NLGN4X: variants seen among roughly 807,000 people sequenced by gnomAD.
NLGN4X encodes the protein neuroligin-4, X-linked.
A neutral mutation model predicts 40.3 loss-of-function variants in NLGN4X; 3 were observed. The observed-to-expected ratio is 0.07, with a 90% CI of 0.03 to 0.19. The LOEUF (loss-of-function observed/expected upper bound fraction) is 0.19, where lower values mean the gene tolerates loss of function less well. Among genes scored for constraint, NLGN4X ranks in the 10% least tolerant of loss-of-function variants. The pLI is 1.00. For missense variants in NLGN4X, 382 were observed against 708.3 expected (o/e 0.54, Z 5.23); for synonymous variants, 270 against 306.8 (o/e 0.88, Z 1.25).
intron 5 of NLGN4X, among the ~76,000 whole-genome samples, chrX:5,897,806 A>G (rs1258887101): frequency 9.0e-6 from 1 of 111,533 alleles, no homozygotes; most frequent in Non-Finnish European, 1.9e-5. Flanking sequence ...AAGATGGGAG[A>G]GCCCTCTCAC....
intron 1 of NLGN4X, among the ~76,000 whole-genome samples, chrX:6,160,121 T>C (rs1408608936): frequency 1.8e-5 from 2 of 111,402 alleles, no homozygotes; most frequent in African/African-American, 6.5e-5. Context: ...ATTAATTTAC[T>C]GTATATTTTT....
intron 3 of NLGN4X, among the ~76,000 whole-genome samples, chrX:6,024,005 A>T (rs868587261): frequency 4.5e-5 from 5 of 111,876 alleles, no homozygotes; most frequent in Middle Eastern, 4.6e-3. Context: ...ACAACAAAAA[A>T]AAAACAGATT....
chrX:5,942,193 C>T (rs1449220003), intron 3 of NLGN4X, among the ~76,000 whole-genome samples: 1 of 110,437 alleles, frequency 9.1e-6, no homozygotes, highest in Admixed American at 9.6e-5. Flanking sequence ...GAGGTAGAGG[C>T]TGCAGTGGGC....
At chrX:6,075,465 T>C (rs2038171680) in intron 2 of NLGN4X, among the ~76,000 whole-genome samples, 2 of 111,809 alleles carry the variant, frequency 1.8e-5, no homozygotes, top group African/African-American at 3.3e-5. Context: ...GATTAGTCAC[T>C]GAAGAAGAAA....
intron 3 of NLGN4X, among the ~76,000 whole-genome samples, chrX:6,021,170 G>A (rs2036544974): frequency 9.6e-6 from 1 of 103,953 alleles, no homozygotes; most frequent in Admixed American, 1.1e-4. Context: ...TGGAACTCCT[G>A]GCCTCAAGGA....
Position 6,038,163 on chromosome X carries a change from A to G in NLGN4X, c.473-8731T>C, listed in dbSNP as rs184961410. On this transcript the variant is annotated intron_variant, in intron 2 of 5. Coordinates refer to ENST00000381095, the MANE Select transcript of NLGN4X (RefSeq NM_181332.3). ...AGGATCCTCTGCTGTTCCTGGTAGG[A>G]GAGTCTGGGGATAGAGGGGTGGCTG... Among the ~76,000 whole-genome samples, 573 of 111,782 alleles carry G rather than the reference A, an allele frequency of 5.1e-3. 5 individuals carry two copies. The highest frequency in any genetic ancestry group is 0.018 in the African/African-American group (553 of 30,799).
intron 3 of NLGN4X, among the ~76,000 whole-genome samples, chrX:5,927,389 G>C (rs1460540981): frequency 8.9e-6 from 1 of 112,031 alleles, no homozygotes; most frequent in Non-Finnish European, 1.9e-5. Flanking sequence ...CAAATTGTAT[G>C]TGGAGATGTA....
chrX:5,973,332 A>G (rs1182657807), intron 3 of NLGN4X, among the ~76,000 whole-genome samples: 1 of 112,453 alleles, frequency 8.9e-6, no homozygotes, highest in Non-Finnish European at 1.9e-5. Flanking sequence ...GACAGAAACC[A>G]TGTGGCTCAC....
At position 6,037,337 on chromosome X, in the gene NLGN4X, A is replaced by T. The variant is rs191910537; in HGVS notation, c.473-7905T>A. On this transcript the variant is annotated intron_variant, in intron 2 of 5. Coordinates refer to ENST00000381095, the MANE Select transcript of NLGN4X (RefSeq NM_181332.3). ...AAATAAAAATAAAAATAAAAAAATT[A>T]AAAAAAATTGGAAAACGAAGACTAT... Among the ~76,000 whole-genome samples the T allele has an allele frequency of 4.0e-3, 442 of 110,479 alleles. 3 individuals carry two copies. Among genetic ancestry groups the T allele is most frequent in the Admixed American group, 0.015 (156 of 10,341 alleles).
At chrX:5,981,186 GAAAT>G (rs751494880) in intron 3 of NLGN4X, among the ~76,000 whole-genome samples, 36 of 110,588 alleles carry the variant, frequency 3.3e-4, no homozygotes, top group South Asian at 2.7e-3. Flanking sequence ...TGACGGATTG[GAAAT>G]AAATAAATAA....
intron 1 of NLGN4X, among the ~76,000 whole-genome samples, chrX:6,215,781 A>G (rs1413405601): frequency 8.9e-6 from 1 of 111,738 alleles, no homozygotes; most frequent in Non-Finnish European, 1.9e-5. Flanking sequence ...GAAGTGGATA[A>G]CAAGGTAACA....
chrX:6,048,077 T>C (rs2037374145), intron 2 of NLGN4X, among the ~76,000 whole-genome samples: 1 of 111,654 alleles, frequency 9.0e-6, no homozygotes, highest in African/African-American at 3.3e-5. Context: ...CCAGCTGCCA[T>C]TGCTCTCAAG....
At chrX:6,177,630 T>C (rs10522047) in intron 1 of NLGN4X, among the ~76,000 whole-genome samples, 24,214 of 111,253 alleles carry the variant, frequency 0.22, 2,144 homozygotes, top group Non-Finnish European at 0.27. Context: ...AGGTTTAATA[T>C]TGATGATGAA....
intron 2 of NLGN4X, among the ~76,000 whole-genome samples, chrX:6,147,702 C>G (rs2040079324): frequency 9.4e-6 from 1 of 106,458 alleles, no homozygotes; most frequent in African/African-American, 3.4e-5. Context: ...ACACACACAC[C>G]ATGCAGATTC....
intron 3 of NLGN4X, among the ~76,000 whole-genome samples, chrX:5,910,701 C>T (rs182522753): frequency 9.0e-6 from 1 of 111,409 alleles, no homozygotes; most frequent in African/African-American, 3.3e-5. Flanking sequence ...ATGCTCTGAG[C>T]TGGAAAGGAG....
chrX:6,050,695 C>G (rs1405453786), intron 2 of NLGN4X, among the ~76,000 whole-genome samples: 1 of 111,419 alleles, frequency 9.0e-6, no homozygotes, highest in African/African-American at 3.3e-5. Flanking sequence ...ATTTATCTAT[C>G]TATTCTTACA....
At chrX:6,095,032 A>C (rs1319980018) in intron 2 of NLGN4X, among the ~76,000 whole-genome samples, 1 of 109,647 alleles carries the variant, frequency 9.1e-6, no homozygotes, top group African/African-American at 3.3e-5. Flanking sequence ...CTATGAAAAG[A>C]GTTCCATGTG....
chrX:6,043,323 CAAAAT>C (rs1447191462), intron 2 of NLGN4X, among the ~76,000 whole-genome samples: 1 of 110,125 alleles, frequency 9.1e-6, no homozygotes, highest in Non-Finnish European at 1.9e-5. Flanking sequence ...CCTAACAAAA[CAAAAT>C]ATGTGTGTAT....
At chrX:5,898,862 C>T (rs189076599) in intron 5 of NLGN4X, among the ~76,000 whole-genome samples, 1 of 111,954 alleles carries the variant, frequency 8.9e-6, no homozygotes, top group African/African-American at 3.2e-5. Context: ...TTTCTCCTTG[C>T]GGGCATCAGT....
Sources: allele counts gnomAD v4.1 joint callset (sites outside exome capture counted in the v4.1 genomes callset), GRCh38; gene constraint gnomAD v4.1.1; transcripts MANE v1.5; gene names NCBI Gene and HGNC (gene_info 2026-07-23, HGNC 2026-07-21).